USP47: variants seen among roughly 807,000 people sequenced by gnomAD.
The protein encoded by USP47 is ubiquitin carboxyl-terminal hydrolase 47.
In USP47, 35 loss-of-function variants were observed where a neutral mutation model predicts 165.1. The observed-to-expected ratio is 0.21, with a 90% confidence interval of 0.16 to 0.28. The LOEUF is 0.28. Ranked by LOEUF, USP47 falls within the 10% of genes least tolerant of loss-of-function variation. The pLI is 1.00. For missense variants in USP47, 1,277 were observed against 1,607.4 expected (o/e 0.79, Z 3.52); for synonymous variants, 531 against 544.5 (o/e 0.98, Z 0.35).
chr11:11,933,804 TTGA>T lies in USP47; in HGVS notation c.1765-19_1765-17del, dbSNP rs138350534. The T allele has an allele frequency of 3.4e-3, 5,093 of 1,509,098 alleles. 119 individuals are homozygous for T. In the African/African-American group the frequency reaches 0.06, roughly 18 times the overall value. 93.5% of individuals were successfully genotyped at this position (1,509,098 alleles called of 1,614,324 possible). On this transcript the variant is annotated intron_variant, in intron 15 of 27. Transcript: ENST00000527733. ...AGAATTGAACTTTGGAACTGCAGAG[TTGA>T]TGATGATATTTTACATTTTCTAGAT...
rs770249575 is a variant in USP47, at chr11:11,936,417, C to T, written c.1984C>T (p.Leu662Phe). ...YEGEEDTPMG[L>F]LLGGVKSTYM... ...AGGAGAAGAAGATACACCAATGGGG[C>T]TTCTACTAGGTGGCGTCAAGTCAAC... The change falls in exon 17 of 28, where the codon CTT (leucine) becomes TTT (phenylalanine). Residue 662 changes from leucine to phenylalanine, a missense_variant. Coordinates refer to ENST00000527733, the MANE Select transcript of USP47 (RefSeq NM_001282659.2). 1.9e-6 allele frequency: 3 copies of T among 1,610,068 alleles called. No individual in the cohort carries two copies. Among genetic ancestry groups the T allele is most frequent in the East Asian group, 2.2e-5 (1 of 44,812 alleles).
At chr11:11,881,895 A>T (rs1455438956) in intron 2 of USP47, among the ~76,000 whole-genome samples, 1 of 152,128 alleles carries the variant, frequency 6.6e-6, no homozygotes, top group Non-Finnish European at 1.5e-5. Flanking sequence ...AGGTTTCAGC[A>T]TGTGAATTTT....
At chr11:11,927,858 T>C (rs1460352560) in intron 11 of USP47, among the ~76,000 whole-genome samples, 3 of 152,136 alleles carry the variant, frequency 2.0e-5, no homozygotes, top group Non-Finnish European at 2.9e-5. Flanking sequence ...TTTACTTTCC[T>C]TCCTACTTTT....
At chr11:11,853,335 A>G (rs2134150487) in intron 1 of USP47, among the ~76,000 whole-genome samples, 1 of 152,348 alleles carries the variant, frequency 6.6e-6, no homozygotes. Context: ...TGTAGGTGGC[A>G]TGATATGCAG....
At position 11,922,674 on chromosome 11, in the gene USP47, A is replaced by G. The variant is rs1248807388; in HGVS notation, c.1219-50A>G. ...ATATAGGTACAAAGTTTTGTTGAACATATTTTCTCTGTATATGGTTTATAA... is the reference window on the plus strand; with the variant it reads ...ATATAGGTACAAAGTTTTGTTGAACGTATTTTCTCTGTATATGGTTTATAA... On this transcript the variant is annotated intron_variant, in intron 10 of 27. Coordinates refer to ENST00000527733, the MANE Select transcript of USP47 (RefSeq NM_001282659.2). 1.3e-5 allele frequency: 19 copies of G among 1,482,468 alleles called. No individual in the cohort carries two copies. The Middle Eastern group carries it at 5.3e-4, about 41-fold the overall frequency. The allele number at this position is 1,482,468 out of a possible 1,614,324, so 91.8% of individuals were successfully genotyped here. A position where few individuals can be genotyped will look rare whatever the true frequency, so the allele number is the denominator to read the frequency against.
At chr11:11,903,392 G>A in intron 7 of USP47, 50 bp downstream of exon 7, 2 of 1,537,652 alleles carry the variant, frequency 1.3e-6, no homozygotes, top group Non-Finnish European at 1.8e-6. Flanking sequence ...TAAATCACTT[G>A]TTACCCTAAA....
chr11:11,907,883 G>A (rs752773184), intron 8 of USP47, among the ~76,000 whole-genome samples: 2 of 152,092 alleles, frequency 1.3e-5, no homozygotes, highest in Non-Finnish European at 2.9e-5. Flanking sequence ...ATCACTTGAG[G>A]ACAGGAGTTC....
At position 11,918,942 on chromosome 11, in the gene USP47, T is replaced by C. The variant is rs150187132; in HGVS notation, c.970-1214T>C. 4.2e-3 allele frequency among the ~76,000 whole-genome samples: 631 copies of C among 151,970 alleles called. 6 individuals are homozygous for C. Among genetic ancestry groups the C allele is most frequent in the African/African-American group, 0.014 (577 of 41,502 alleles). On this transcript the variant is annotated intron_variant, in intron 8 of 27. Transcript: ENST00000527733. ...TTGTTTTTTATAGAACTTTCCTTTT[T>C]CCCCCAAAAATATGCCTGAGAGGGA...
intron 12 of USP47, 65 bp from the exon 13 acceptor site, chr11:11,929,979 A>T: frequency 7.9e-7 from 1 of 1,261,204 alleles, no homozygotes; most frequent in Non-Finnish European, 1.2e-6. Flanking sequence ...AGATTGAGTT[A>T]CATATTGACG....
At chr11:11,915,202 A>G (rs1853322214) in intron 8 of USP47, among the ~76,000 whole-genome samples, 1 of 152,216 alleles carries the variant, frequency 6.6e-6, no homozygotes, top group South Asian at 2.1e-4. Context: ...TATCCAGGGA[A>G]TTATTCCGAG....
intron 11 of USP47, among the ~76,000 whole-genome samples, chr11:11,927,516 T>A (rs915363725): frequency 9.2e-5 from 14 of 152,160 alleles, no homozygotes; most frequent in South Asian, 2.1e-4. Flanking sequence ...CCTAAAATAC[T>A]CACTCTTTGA....
intron 2 of USP47, among the ~76,000 whole-genome samples, 199 bp downstream of exon 2, chr11:11,880,579 A>G (rs1564862053): frequency 6.6e-6 from 1 of 152,170 alleles, no homozygotes; most frequent in South Asian, 2.1e-4. Context: ...TGCTCGTCCT[A>G]AAGTTTACAT....
At chr11:11,938,712 G>A (rs772522463) in intron 18 of USP47, among the ~76,000 whole-genome samples, 1 of 151,906 alleles carries the variant, frequency 6.6e-6, no homozygotes, top group East Asian at 1.9e-4. Context: ...TTTTGTTTTC[G>A]TCATTTTTAA....
chr11:11,851,149 A>G (rs1564850158), intron 1 of USP47, among the ~76,000 whole-genome samples: 1 of 152,220 alleles, frequency 6.6e-6, no homozygotes, highest in Non-Finnish European at 1.5e-5. Flanking sequence ...ATCTTTTGCC[A>G]GGAGAGAACA....
intron 1 of USP47, among the ~76,000 whole-genome samples, chr11:11,867,058 C>T (rs759170275): frequency 2.6e-5 from 4 of 152,080 alleles, no homozygotes; most frequent in Admixed American, 2.0e-4. Context: ...CCACCACACC[C>T]AGCTAATTTT....
intron 6 of USP47, 94 bp downstream of exon 6, chr11:11,902,954 T>A: frequency 7.6e-7 from 1 of 1,311,036 alleles, no homozygotes; most frequent in Non-Finnish European, 1.0e-6. Flanking sequence ...ATTACCTTTA[T>A]CTTAAACCTT....
chr11:11,845,869 A>G (rs1848398563), intron 1 of USP47, among the ~76,000 whole-genome samples: 1 of 152,352 alleles, frequency 6.6e-6, no homozygotes. Flanking sequence ...CTAGATCTCT[A>G]TAGCTGCCAT....
In USP47 at chr11:11,942,410, C is replaced by A; in HGVS notation, c.2389C>A (p.Arg797=). ...ADSHLWKLLD[R]HANTIRLFVL... is the part of the protein sequence containing the mutation. The stretch of plus-strand genomic sequence containing the variant: ...CTCTCATTTATGGAAACTCCTGGAT[C>A]GGCATGCAAATACAATCAGATTATT... Residue 797 remains arginine, a synonymous_variant, in exon 20 of 28, where the codon CGG becomes AGG. Coordinates refer to ENST00000527733, the MANE Select transcript of USP47 (RefSeq NM_001282659.2). 1 of 1,613,372 alleles carries A rather than the reference C, an allele frequency of 6.2e-7. No individual in the cohort carries two copies. The highest frequency in any genetic ancestry group is 1.7e-5 in the Admixed American group (1 of 59,900).
At position 11,901,841 on chromosome 11, in the gene USP47, C is replaced by G. The variant is rs554455303; in HGVS notation, c.594-874C>G. ...AGGCGTCATGGTGCATGTGTATAATCCCAGCTACTCGGGAGGCTGAGACAG... is the reference window on the plus strand; with the variant it reads ...AGGCGTCATGGTGCATGTGTATAATGCCAGCTACTCGGGAGGCTGAGACAG... On this transcript the variant is annotated intron_variant, in intron 5 of 27. Coordinates refer to ENST00000527733, the MANE Select transcript of USP47 (RefSeq NM_001282659.2). Among the ~76,000 whole-genome samples the G allele has an allele frequency of 2.0e-3, 303 of 151,818 alleles. 2 individuals are homozygous for G. Among genetic ancestry groups the G allele is most frequent in the African/African-American group, 7.0e-3 (290 of 41,356 alleles).
Sources: gnomAD v4.1 joint callset for allele counts (sites outside exome capture counted in the v4.1 genomes callset) on GRCh38, gnomAD v4.1.1 for gene constraint, MANE v1.5 for transcripts, NCBI Gene and HGNC (gene_info 2026-07-23, HGNC 2026-07-21) for gene names.